The following PLEKHM1 variants were observed in gnomAD, a reference collection of about 807,000 sequenced individuals.
The protein encoded by PLEKHM1 is pleckstrin homology domain-containing family M member 1.
In PLEKHM1, 28 loss-of-function variants were observed where a neutral mutation model predicts 94.3. The observed-to-expected ratio is 0.30, with a 90% confidence interval of 0.22 to 0.41. PLEKHM1 has a LOEUF of 0.41. Ranked by LOEUF, PLEKHM1 falls within the 10% of genes least tolerant of loss-of-function variation. The pLI is 1.00. For missense variants in PLEKHM1, 907 were observed against 1,358.6 expected (o/e 0.67, Z 5.22); for synonymous variants, 424 against 581.2 (o/e 0.73, Z 3.89).
intron 5 of PLEKHM1, among the ~76,000 whole-genome samples, chr17:45,467,913 A>G (rs2051368212): frequency 6.6e-6 from 1 of 152,258 alleles, no homozygotes. Flanking sequence ...CGGTCAGACA[A>G]GAACAACCTT....
At position 45,486,078 on chromosome 17, in the gene PLEKHM1, G is replaced by A. The variant is rs1312275178; in HGVS notation, c.-41-3553C>T. ...AAAAATACAAAAAAATTAGCCGGGT[G>A]CAGTGGTGAGCGCCTGTAGTCCCAG... On this transcript the variant is annotated intron_variant, in intron 1 of 11. Coordinates refer to ENST00000430334, the MANE Select transcript of PLEKHM1 (RefSeq NM_014798.3). Among the ~76,000 whole-genome samples, 93 of 148,744 alleles carry A rather than the reference G, an allele frequency of 6.3e-4. No individual in the cohort carries two copies. The East Asian group carries it at 7.4e-3, about 12-fold the overall frequency.
intron 5 of PLEKHM1, 101 bp from the exon 6 acceptor site, chr17:45,458,540 G>A (rs1462122202): frequency 1.4e-5 from 16 of 1,163,304 alleles, no homozygotes; most frequent in Middle Eastern, 2.2e-4. Context: ...GCGCAACCTC[G>A]GCTCACTGCA....
Position 45,436,804 on chromosome 17 carries a change from T to A in PLEKHM1, c.*1054A>T, listed in dbSNP as rs1174015109. On this transcript the variant is annotated 3_prime_UTR_variant, in exon 12 of 12. Coordinates refer to ENST00000430334, the MANE Select transcript of PLEKHM1 (RefSeq NM_014798.3). ...GGTGGTGGCTGCATCCACAGGGCAGTTCCCCCGCACGCCCTGCACAGCTTA... is the reference window on the plus strand; with the variant it reads ...GGTGGTGGCTGCATCCACAGGGCAGATCCCCCGCACGCCCTGCACAGCTTA... The A allele has an allele frequency of 3.5e-5, 16 of 453,974 alleles. No individual in the cohort carries two copies. The highest frequency in any genetic ancestry group is 2.1e-4 in the East Asian group (3 of 14,400). The allele number at this position is 453,974 out of a possible 1,614,324, so 28.1% of individuals were successfully genotyped here.
At chr17:45,479,512 C>T (rs4792860) in intron 2 of PLEKHM1, among the ~76,000 whole-genome samples, 69,787 of 142,328 alleles carry the variant, frequency 0.49, 17,730 homozygotes, top group South Asian at 0.62. Flanking sequence ...AGCGAGACTC[C>T]GCCTCAAAAA....
chr17:45,473,731 T>C (rs532305309), intron 4 of PLEKHM1, among the ~76,000 whole-genome samples: 3 of 152,050 alleles, frequency 2.0e-5, no homozygotes, highest in African/African-American at 7.2e-5. Flanking sequence ...GCTAATTTTT[T>C]GTATTTTTAG....
intron 10 of PLEKHM1, 137 bp downstream of exon 10, chr17:45,440,026 C>A: frequency 1.2e-6 from 1 of 847,772 alleles, no homozygotes; most frequent in Admixed American, 2.0e-5. Context: ...GGGCAACCCA[C>A]CCTGAGCTGC....
chr17:45,450,032 C>A (rs915462465), intron 8 of PLEKHM1, among the ~76,000 whole-genome samples: 3 of 151,108 alleles, frequency 2.0e-5, no homozygotes, highest in Admixed American at 2.0e-4. Context: ...CACCTACCTA[C>A]CTACCCATCC....
chr17:45,440,252 TTAGAAAGGTTTCCAGAACCCAGGC>T, intron 9 of PLEKHM1, 26 bp from the exon 10 acceptor site: 1 of 1,611,138 alleles, frequency 6.2e-7, no homozygotes, highest in Non-Finnish European at 8.5e-7. Flanking sequence ...AAGCGATTCT[TTAGAAAGGTTTCCAGAACCCAGGC>T]TAGCCTGTGT....
intron 9 of PLEKHM1, among the ~76,000 whole-genome samples, chr17:45,442,877 A>G (rs889363349): frequency 1.3e-5 from 2 of 152,116 alleles, no homozygotes; most frequent in Admixed American, 6.5e-5. Flanking sequence ...GGTGTCAGTG[A>G]GCTGTGCTCC....
chr17:45,453,691 T>A lies in PLEKHM1; in HGVS notation c.2161A>T (p.Met721Leu). The change falls in exon 7 of 12, where the codon ATG (methionine) becomes TTG (leucine). Residue 721 changes from methionine (M) to leucine (L), a missense_variant. Around this residue, in one of 3 missense-constraint regions of PLEKHM1, gnomAD observed 254 missense variants for 451.1 expected, o/e 0.56. Coordinates refer to ENST00000430334, the MANE Select transcript of PLEKHM1 (RefSeq NM_014798.3). This position sits in a 1 kb window ranked among gnomAD's most constrained non-coding sequence, Gnocchi z 4.1. Reference protein sequence around the residue: ...KCFRIRNNEKMLSDSHGVETI... With the variant: ...KCFRIRNNEKLLSDSHGVETI... ...TCCACGCCGTGGCTGTCACTCAGCA[T>A]CTTCTCATTGTTCCTGATGCGGAAA... 6.2e-7 allele frequency: 1 copy of A among 1,613,846 alleles called. No individual in the cohort carries two copies. The highest frequency in any genetic ancestry group is 2.2e-5 in the East Asian group (1 of 44,872).
At chr17:45,474,677 T>C (rs946587540) in intron 4 of PLEKHM1, among the ~76,000 whole-genome samples, 8 of 152,210 alleles carry the variant, frequency 5.3e-5, no homozygotes, top group Admixed American at 2.0e-4. Context: ...TATTGTTTGT[T>C]TTCAGTTTTT....
intron 2 of PLEKHM1, among the ~76,000 whole-genome samples, chr17:45,480,241 G>A (rs1366811503): frequency 6.6e-6 from 1 of 152,178 alleles, no homozygotes; most frequent in African/African-American, 2.4e-5. Context: ...CCAGCACTTC[G>A]GGAGGCCAAG....
chr17:45,470,424 T>C (rs573129838), intron 4 of PLEKHM1, among the ~76,000 whole-genome samples: 83 of 152,374 alleles, frequency 5.4e-4, no homozygotes, highest in African/African-American at 1.8e-3. Flanking sequence ...AGGCCAGGAG[T>C]TCGAGATCAG....
In PLEKHM1 at chr17:45,439,398, C is replaced by T. The variant is rs2050368706; in HGVS notation, c.3059+79G>A. 1.6e-5 allele frequency: 24 copies of T among 1,502,256 alleles called. No homozygotes were observed. In the South Asian group the frequency reaches 2.7e-4, roughly 17 times the overall value. The allele number at this position is 1,502,256 out of a possible 1,614,324, so 93.1% of individuals were successfully genotyped here. A position where few individuals can be genotyped will look rare whatever the true frequency, so the allele number is the denominator to read the frequency against. On this transcript the variant is annotated intron_variant, in intron 11 of 11. Transcript: ENST00000430334. ...GTTCCTGCCCACAGAGCGAAGCCTG[C>T]TGCCCTGCGTGCTTGGGCCAGGCTG... is the stretch of plus-strand genomic sequence containing the variant.
chr17:45,489,455 C>G (rs2052237095), intron 1 of PLEKHM1, among the ~76,000 whole-genome samples: 1 of 152,192 alleles, frequency 6.6e-6, no homozygotes, highest in Non-Finnish European at 1.5e-5. Context: ...TGACAGCTTC[C>G]ATCATTCTGT....
intron 2 of PLEKHM1, among the ~76,000 whole-genome samples, chr17:45,478,654 G>T (rs752248210): frequency 1.3e-5 from 2 of 152,162 alleles, no homozygotes; most frequent in African/African-American, 2.4e-5. Context: ...AGGAGAACAG[G>T]AGCATGGTTT....
rs2050282110 is a variant in PLEKHM1, at chr17:45,437,085, T to C, written c.*773A>G. The C allele has an allele frequency of 2.2e-6, 1 of 454,402 alleles. No individual in the cohort carries two copies. Among genetic ancestry groups the C allele is most frequent in the African/African-American group, 2.0e-5 (1 of 50,022 alleles). The allele number at this position is 454,402 out of a possible 1,614,324, so 28.1% of individuals were successfully genotyped here. The stretch of plus-strand genomic sequence containing the variant: ...TGCTGACAGTGCTGGTTTCCAGTCA[T>C]TTCTCCTTCTCCTAATGGGGCCAAG... On this transcript the variant is annotated 3_prime_UTR_variant, in exon 12 of 12. Coordinates refer to ENST00000430334, the MANE Select transcript of PLEKHM1 (RefSeq NM_014798.3). This position sits in a 1 kb window ranked among gnomAD's most constrained non-coding sequence, Gnocchi z 4.0.
rs551541732 is a variant in PLEKHM1 at position 45,471,993 on chromosome 17, G to A, written c.923+3107C>T. On this transcript the variant is annotated intron_variant, in intron 4 of 11. Transcript: ENST00000430334. Reference sequence around the variant, plus strand: ...AATTTGGTTTCTGCCAAACAGAACCGCTTTATATTAATAAATTTCATTTTG... The same window carrying A: ...AATTTGGTTTCTGCCAAACAGAACCACTTTATATTAATAAATTTCATTTTG... 9.2e-5 allele frequency among the ~76,000 whole-genome samples: 14 copies of A among 152,190 alleles called. No homozygotes were observed. The South Asian group carries it at 2.5e-3, about 27-fold the overall frequency.
intron 1 of PLEKHM1, among the ~76,000 whole-genome samples, chr17:45,488,155 G>A (rs1309038184): frequency 6.6e-6 from 1 of 152,178 alleles, no homozygotes; most frequent in Non-Finnish European, 1.5e-5. Flanking sequence ...TAGTGGATGA[G>A]GGCAGAATTG....
Sources: gnomAD v4.1 joint callset for allele counts (sites outside exome capture counted in the v4.1 genomes callset) on GRCh38, gnomAD v4.1.1 for gene constraint, gnomAD v4.1.1 regional missense constraint, Gnocchi (gnomAD v3.1) non-coding constraint, MANE v1.5 for transcripts, NCBI Gene and HGNC (gene_info 2026-07-23, HGNC 2026-07-21) for gene names.